The following MAGI2 variants were observed in gnomAD, a reference collection of about 807,000 sequenced individuals.
The protein encoded by MAGI2 is membrane associated guanylate kinase, WW and PDZ domain containing 2.
In MAGI2, 35 loss-of-function variants were observed where a neutral mutation model predicts 133.3. That is an observed-to-expected ratio of 0.26 (90% CI 0.20 to 0.35). The LOEUF (loss-of-function observed/expected upper bound fraction) is 0.35, where lower values mean the gene tolerates loss of function less well. Among genes scored for constraint, MAGI2 ranks in the 10% least tolerant of loss-of-function variants. The pLI is 1.00. For missense variants in MAGI2, 1,636 were observed against 1,863.4 expected (o/e 0.88, Z 2.25); for synonymous variants, 729 against 710.6 (o/e 1.03, Z -0.41).
intron 3 of MAGI2, among the ~76,000 whole-genome samples, chr7:78,565,858 C>G (rs1800890312): frequency 6.6e-6 from 1 of 152,114 alleles, no homozygotes; most frequent in Non-Finnish European, 1.5e-5. Flanking sequence ...TAGGAAGCAG[C>G]TGAGTACCTG....
intron 1 of MAGI2, among the ~76,000 whole-genome samples, chr7:79,102,462 T>C (rs762883834): frequency 6.6e-6 from 1 of 152,232 alleles, no homozygotes; most frequent in Non-Finnish European, 1.5e-5. Context: ...CCAAAATCCA[T>C]AACACTTTGC....
At chr7:78,734,744 T>C (rs1392307904) in intron 2 of MAGI2, among the ~76,000 whole-genome samples, 1 of 152,020 alleles carries the variant, frequency 6.6e-6, no homozygotes, top group Non-Finnish European at 1.5e-5. Context: ...AGGAAAAGGA[T>C]GAAAAACACG....
intron 1 of MAGI2, among the ~76,000 whole-genome samples, chr7:79,214,189 C>A (rs1013243015): frequency 1.3e-5 from 2 of 151,250 alleles, no homozygotes; most frequent in South Asian, 2.1e-4. Flanking sequence ...TAGTAGATTA[C>A]CCCAAACTGC....
At chr7:78,903,918 GT>G (rs1486842030) in intron 2 of MAGI2, 1 of 152,264 alleles carries the variant, frequency 6.6e-6, no homozygotes, top group East Asian at 1.9e-4. Context: ...TTGTCTATAT[GT>G]TTTTTAAATT....
chr7:79,254,092 T>C lies in MAGI2; in HGVS notation c.301+198928A>G, dbSNP rs1308047808. 3.1e-4 allele frequency among the ~76,000 whole-genome samples: 47 copies of C among 150,600 alleles called. 1 individual carries two copies. The highest frequency in any genetic ancestry group is 3.1e-3 in the Admixed American group (47 of 15,112). The stretch of plus-strand genomic sequence containing the variant: ...TAAACATTTCATTTTTTTTCAATCA[T>C]ATATGGAAAGTGATATCTTGGTGTT... On this transcript the variant is annotated intron_variant, in intron 1 of 21. Coordinates refer to ENST00000354212, the MANE Select transcript of MAGI2 (RefSeq NM_012301.4).
chr7:79,400,378 T>C (rs930702905), intron 1 of MAGI2, among the ~76,000 whole-genome samples: 1 of 152,218 alleles, frequency 6.6e-6, no homozygotes, highest in South Asian at 2.1e-4. Flanking sequence ...GTAATCATTC[T>C]ATTTTTTTAT....
chr7:78,800,825 T>C (rs1377662374), intron 2 of MAGI2, among the ~76,000 whole-genome samples: 1 of 152,036 alleles, frequency 6.6e-6, no homozygotes, highest in African/African-American at 2.4e-5. Flanking sequence ...TGGCAGGAAT[T>C]TGTAAGATGC....
intron 1 of MAGI2, among the ~76,000 whole-genome samples, chr7:79,162,742 C>A (rs1174527368): frequency 2.0e-5 from 3 of 152,070 alleles, no homozygotes; most frequent in African/African-American, 7.2e-5. Context: ...TATCTAGATA[C>A]ATATTTTAAA....
intron 1 of MAGI2, among the ~76,000 whole-genome samples, chr7:79,016,265 G>A (rs1346018661): frequency 6.6e-6 from 1 of 152,106 alleles, no homozygotes; most frequent in East Asian, 1.9e-4. Flanking sequence ...TAAGAAAACT[G>A]TTGGACCTGA....
intron 3 of MAGI2, among the ~76,000 whole-genome samples, chr7:78,557,895 A>T (rs1013344143): frequency 6.6e-6 from 1 of 152,206 alleles, no homozygotes; most frequent in South Asian, 2.1e-4. Context: ...CTTAGAGCAC[A>T]AATGTCATCT....
intron 1 of MAGI2, among the ~76,000 whole-genome samples, chr7:79,365,027 C>A (rs185695292): frequency 0.011 from 1,679 of 150,370 alleles, 30 homozygotes; most frequent in African/African-American, 0.039. Flanking sequence ...AAAAAAAAAA[C>A]CTCTCAAAAT....
At chr7:78,682,688 T>C (rs1274472031) in intron 2 of MAGI2, among the ~76,000 whole-genome samples, 1 of 152,136 alleles carries the variant, frequency 6.6e-6, no homozygotes, top group Non-Finnish European at 1.5e-5. Flanking sequence ...AACATACATG[T>C]GCATGTGTCT....
At chr7:79,280,390 T>C (rs1223452189) in intron 1 of MAGI2, among the ~76,000 whole-genome samples, 2 of 151,800 alleles carry the variant, frequency 1.3e-5, no homozygotes, top group Non-Finnish European at 2.9e-5. Flanking sequence ...GTAGGAGATA[T>C]AAAGATACCT....
At chr7:78,578,107 G>A (rs1802458945) in intron 3 of MAGI2, among the ~76,000 whole-genome samples, 1 of 150,978 alleles carries the variant, frequency 6.6e-6, no homozygotes, top group African/African-American at 2.4e-5. Context: ...TTTAAGTAGG[G>A]AAAATTTGGC....
chr7:78,210,215 A>T (rs999730749), intron 10 of MAGI2, among the ~76,000 whole-genome samples: 3 of 152,216 alleles, frequency 2.0e-5, no homozygotes, highest in African/African-American at 7.2e-5. Context: ...TATTTTCTTC[A>T]TCATGTATCC....
At chr7:78,272,088 T>C (rs1234652565) in intron 9 of MAGI2, among the ~76,000 whole-genome samples, 1 of 152,236 alleles carries the variant, frequency 6.6e-6, no homozygotes. Flanking sequence ...TTTAGTGTTA[T>C]AAATTTCCCT....
At chr7:79,024,084 T>C (rs1163056078) in intron 1 of MAGI2, among the ~76,000 whole-genome samples, 1 of 152,132 alleles carries the variant, frequency 6.6e-6, no homozygotes, top group Non-Finnish European at 1.5e-5. Context: ...TTTCAAACTA[T>C]ACTACAAGGC....
At chr7:79,287,101 C>T (rs1207580763) in intron 1 of MAGI2, among the ~76,000 whole-genome samples, 1 of 152,086 alleles carries the variant, frequency 6.6e-6, no homozygotes, top group East Asian at 1.9e-4. Context: ...TACCTTACTC[C>T]TCAGAGGGTG....
At chr7:79,117,111 T>C (rs1295903474) in intron 1 of MAGI2, among the ~76,000 whole-genome samples, 2 of 152,150 alleles carry the variant, frequency 1.3e-5, no homozygotes, top group Non-Finnish European at 2.9e-5. Flanking sequence ...AACAAAGGTG[T>C]TTAAATCAAA....
Sources: allele counts gnomAD v4.1 joint callset (sites outside exome capture counted in the v4.1 genomes callset), GRCh38; gene constraint gnomAD v4.1.1; transcripts MANE v1.5; gene names NCBI Gene and HGNC (gene_info 2026-07-23, HGNC 2026-07-21).